The following VSTM4 variants were observed in gnomAD, a reference collection of about 807,000 sequenced individuals.
VSTM4 encodes the protein V-set and transmembrane domain containing 4.
In VSTM4, 20 loss-of-function variants were observed where a neutral mutation model predicts 36.4. The observed-to-expected ratio is 0.55, with a 90% CI of 0.39 to 0.80. The LOEUF (loss-of-function observed/expected upper bound fraction) is 0.80. Among genes scored for constraint, VSTM4 ranks in the 30% least tolerant of loss-of-function variants. The probability of loss-of-function intolerance (pLI) is 0.00; values close to 1 mark genes in which losing one functional copy is unlikely to be tolerated. For synonymous variants in VSTM4, 182 were observed against 173.9 expected (o/e 1.05, Z -0.37); for missense variants, 392 against 404.5 (o/e 0.97, Z 0.26).
chr10:49,084,950 T>G (rs1844344259), intron 3 of VSTM4, among the ~76,000 whole-genome samples: 1 of 152,220 alleles, frequency 6.6e-6, no homozygotes, highest in South Asian at 2.1e-4. Flanking sequence ...CCCCTGCCAC[T>G]AGATGCCAGG....
chr10:49,092,804 A>C (rs548712757), intron 2 of VSTM4, among the ~76,000 whole-genome samples: 3 of 152,298 alleles, frequency 2.0e-5, no homozygotes, highest in East Asian at 1.9e-4. Context: ...ACGTCACCGG[A>C]AGAAGACGCA....
At chr10:49,065,309 A>G (rs1012925988) in intron 4 of VSTM4, among the ~76,000 whole-genome samples, 2 of 152,192 alleles carry the variant, frequency 1.3e-5, no homozygotes, top group Admixed American at 6.5e-5. Context: ...AGCTGAATTT[A>G]CTTCAAATAG....
intron 4 of VSTM4, among the ~76,000 whole-genome samples, chr10:49,066,868 T>C (rs1843983197): frequency 1.3e-5 from 2 of 152,158 alleles, no homozygotes; most frequent in African/African-American, 2.4e-5. Flanking sequence ...ACACATATTA[T>C]CTTACAGATA....
At chr10:49,068,057 T>C in intron 4 of VSTM4, among the ~76,000 whole-genome samples, 1 of 152,216 alleles carries the variant, frequency 6.6e-6, no homozygotes. Flanking sequence ...TATTGTATTG[T>C]TATTTTTAAT....
At chr10:49,078,071 C>A (rs896629233) in intron 3 of VSTM4, among the ~76,000 whole-genome samples, 1 of 152,012 alleles carries the variant, frequency 6.6e-6, no homozygotes, top group Non-Finnish European at 1.5e-5. Flanking sequence ...TGTTTGACTT[C>A]TATCGCTGTT....
chr10:49,083,806 G>A lies in VSTM4; in HGVS notation c.526+2149C>T, dbSNP rs111907143. ...ATGCCACAATCTTTCCAAATATATG[G>A]TCTTGTTTTTGCACCATGGCATTTT... On this transcript the variant is annotated intron_variant, in intron 3 of 7. Transcript: ENST00000332853. Among the ~76,000 whole-genome samples, 1,267 of 152,292 alleles carry A rather than the reference G, an allele frequency of 8.3e-3. 36 individuals are homozygous for A. Among genetic ancestry groups the A allele is most frequent in the South Asian group, 0.05 (240 of 4,822 alleles).
intron 5 of VSTM4, among the ~76,000 whole-genome samples, chr10:49,051,851 G>A (rs1590088152): frequency 1.3e-5 from 2 of 152,196 alleles, no homozygotes; most frequent in South Asian, 4.2e-4. Context: ...TTTTTTGTGT[G>A]TAGATACAAA....
chr10:49,033,910 A>G (rs1033054103), intron 7 of VSTM4, among the ~76,000 whole-genome samples: 4 of 152,038 alleles, frequency 2.6e-5, no homozygotes, highest in African/African-American at 9.7e-5. Flanking sequence ...CACCACCATC[A>G]TCATCACCAT....
At chr10:49,090,591 C>T (rs1321083724) in intron 2 of VSTM4, among the ~76,000 whole-genome samples, 1 of 152,184 alleles carries the variant, frequency 6.6e-6, no homozygotes, top group Admixed American at 6.5e-5. Flanking sequence ...TGGAATGATG[C>T]TGCCCCTCTC....
chr10:49,105,440 G>A (rs1290221165), intron 2 of VSTM4, among the ~76,000 whole-genome samples: 1 of 151,736 alleles, frequency 6.6e-6, no homozygotes, highest in Non-Finnish European at 1.5e-5. Context: ...CAGAGAGAGA[G>A]GAAAGACGAA....
intron 7 of VSTM4, among the ~76,000 whole-genome samples, chr10:49,030,525 C>T (rs17773323): frequency 0.15 from 22,703 of 152,226 alleles, 1,927 homozygotes; most frequent in South Asian, 0.36. Flanking sequence ...AGTCACCCAG[C>T]ATGCTCTAGG....
Position 49,077,209 on chromosome 10 carries a change from G to T in VSTM4, c.634+10C>A, listed in dbSNP as rs1413301417. The T allele has an allele frequency of 2.5e-6, 4 of 1,613,210 alleles. No homozygotes were observed. The highest frequency in any genetic ancestry group is 1.7e-5 in the Admixed American group (1 of 59,994). On this transcript the variant is annotated intron_variant, in intron 4 of 7. Coordinates refer to ENST00000332853, the MANE Select transcript of VSTM4 (RefSeq NM_001031746.5). ...TCCCATCCCAGACATGACCTTATCT[G>T]TTTTCTTACCTCTGGATTTCCGCTT...
chr10:49,105,535 G>A (rs1199281687), intron 2 of VSTM4, among the ~76,000 whole-genome samples: 2 of 152,084 alleles, frequency 1.3e-5, no homozygotes, highest in Non-Finnish European at 2.9e-5. Context: ...GAAAGTGGGG[G>A]AGCAAGAGAA....
intron 7 of VSTM4, among the ~76,000 whole-genome samples, chr10:49,034,791 T>G (rs1843402760): frequency 6.6e-6 from 1 of 152,164 alleles, no homozygotes; most frequent in Non-Finnish European, 1.5e-5. Flanking sequence ...ATTCTCCATG[T>G]AGGACTGAAA....
chr10:49,060,339 T>C (rs1409991389), intron 5 of VSTM4, among the ~76,000 whole-genome samples: 1 of 152,226 alleles, frequency 6.6e-6, no homozygotes, highest in Admixed American at 6.5e-5. Context: ...AAAGATCCAA[T>C]TTCTCCACAT....
rs1208360780 is a variant in VSTM4 at position 49,016,251 on chromosome 10, G to C, written c.*3399C>G. On this transcript the variant is annotated 3_prime_UTR_variant, in exon 8 of 8. Transcript: ENST00000332853. ...GGATTTAAACAGCAGAGTAATTAGA[G>C]AGTTTATGGAAGAGAAGAGTCTGGG... The C allele has an allele frequency of 1.3e-5, 2 of 152,228 alleles. No individual in the cohort carries two copies. The highest frequency in any genetic ancestry group is 6.5e-5 in the Admixed American group (1 of 15,286). The allele number at this position is 152,228 out of a possible 1,614,324, so 9.4% of individuals were successfully genotyped here.
At chr10:49,052,080 T>A (rs1431209288) in intron 5 of VSTM4, among the ~76,000 whole-genome samples, 1 of 152,232 alleles carries the variant, frequency 6.6e-6, no homozygotes, top group Non-Finnish European at 1.5e-5. Flanking sequence ...AATGTATTTG[T>A]GCATAATGGT....
intron 7 of VSTM4, among the ~76,000 whole-genome samples, chr10:49,026,378 T>C (rs1312379706): frequency 6.6e-6 from 1 of 152,190 alleles, no homozygotes; most frequent in Non-Finnish European, 1.5e-5. Flanking sequence ...TTCTATAATA[T>C]GTCTATTAAG....
At chr10:49,048,086 T>C (rs1489106115) in intron 6 of VSTM4, among the ~76,000 whole-genome samples, 2 of 152,192 alleles carry the variant, frequency 1.3e-5, no homozygotes, top group Non-Finnish European at 2.9e-5. Context: ...TCTTTAAAAA[T>C]TCAGAGAGCT....
Sources: allele counts gnomAD v4.1 joint callset (sites outside exome capture counted in the v4.1 genomes callset), GRCh38; gene constraint gnomAD v4.1.1; transcripts MANE v1.5; gene names NCBI Gene and HGNC (gene_info 2026-07-23, HGNC 2026-07-21).